Variants in DPY19L4 observed in about 807,000 individuals in gnomAD.
DPY19L4 encodes probable C-mannosyltransferase DPY19L4.
DPY19L4 carries 97 observed loss-of-function variants against 102.8 expected under a neutral mutation model. That is an observed-to-expected ratio of 0.94 (90% confidence interval 0.80 to 1.12). DPY19L4 has a LOEUF of 1.12. Ranked by LOEUF, DPY19L4 falls within the 50% of genes most tolerant of loss-of-function variation. The pLI is 0.00. For missense variants in DPY19L4, 815 were observed against 850.4 expected (o/e 0.96, Z 0.52); for synonymous variants, 252 against 283.1 (o/e 0.89, Z 1.10).
chr8:94,759,500 CTTTTT>C (rs1161705507), intron 7 of DPY19L4, among the ~76,000 whole-genome samples: 2 of 67,534 alleles, frequency 3.0e-5, no homozygotes, highest in Admixed American at 4.1e-4. Flanking sequence ...TCTACATGTT[CTTTTT>C]TTTTTTTTTT....
At chr8:94,775,023 C>T (rs1813111916) in intron 13 of DPY19L4, among the ~76,000 whole-genome samples, 1 of 152,088 alleles carries the variant, frequency 6.6e-6, no homozygotes, top group Non-Finnish European at 1.5e-5. Flanking sequence ...GGATTTTCTT[C>T]TTTTTCAAGG....
chr8:94,733,449 C>T (rs940972861), intron 2 of DPY19L4, among the ~76,000 whole-genome samples: 4 of 152,120 alleles, frequency 2.6e-5, no homozygotes, highest in East Asian at 3.9e-4. Flanking sequence ...TTAAGTGTAG[C>T]GTTCTATTGT....
At chr8:94,770,324 CA>C (rs1812869830) in intron 12 of DPY19L4, 127 bp from the exon 13 acceptor site, 1 of 1,001,836 alleles carries the variant, frequency 1.0e-6, no homozygotes, top group South Asian at 1.9e-5. Context: ...TTTAAAAGAT[CA>C]CCTATATTTT....
intron 18 of DPY19L4, among the ~76,000 whole-genome samples, chr8:94,789,289 A>G (rs926907070): frequency 6.6e-6 from 1 of 152,226 alleles, no homozygotes; most frequent in African/African-American, 2.4e-5. Flanking sequence ...CTTCAAGCTA[A>G]CTAAGCTATC....
chr8:94,750,483 A>C (rs1811870208), intron 6 of DPY19L4, among the ~76,000 whole-genome samples: 1 of 152,188 alleles, frequency 6.6e-6, no homozygotes, highest in Admixed American at 6.5e-5. Context: ...ACTAGGTTCT[A>C]GGCACTGCTA....
chr8:94,750,973 G>T (rs34152155), intron 6 of DPY19L4, among the ~76,000 whole-genome samples: 15,715 of 151,588 alleles, frequency 0.1, 913 homozygotes, highest in Non-Finnish European at 0.13. Context: ...TAGAGACTGG[G>T]TTTCACCATG....
chr8:94,774,927 G>A (rs1314795262), intron 13 of DPY19L4, among the ~76,000 whole-genome samples: 1 of 151,954 alleles, frequency 6.6e-6, no homozygotes, highest in African/African-American at 2.4e-5. Context: ...TCATGTAAGT[G>A]GAATCCTGTA....
chr8:94,739,007 G>A (rs1213828892), intron 4 of DPY19L4, among the ~76,000 whole-genome samples: 3 of 152,086 alleles, frequency 2.0e-5, no homozygotes. Flanking sequence ...ACTTCCTTGT[G>A]TTATGAATAT....
intron 12 of DPY19L4, among the ~76,000 whole-genome samples, chr8:94,769,594 G>A (rs1586396553): frequency 6.6e-6 from 1 of 151,886 alleles, no homozygotes; most frequent in African/African-American, 2.4e-5. Flanking sequence ...GCTTATGCCT[G>A]TAATTCCAAC....
At chr8:94,784,562 G>A (rs1251393514) in intron 17 of DPY19L4, among the ~76,000 whole-genome samples, 3 of 152,136 alleles carry the variant, frequency 2.0e-5, no homozygotes, top group Admixed American at 1.3e-4. Flanking sequence ...CCGAGTAGCT[G>A]GGATTACAGG....
intron 7 of DPY19L4, among the ~76,000 whole-genome samples, chr8:94,759,578 C>T (rs1812317360): frequency 7.1e-6 from 1 of 140,718 alleles, no homozygotes; most frequent in African/African-American, 2.7e-5. Flanking sequence ...ATGATCTCAG[C>T]TCACTGCAAC....
At chr8:94,767,443 G>A (rs1380911319) in intron 11 of DPY19L4, among the ~76,000 whole-genome samples, 2 of 151,836 alleles carry the variant, frequency 1.3e-5, no homozygotes, top group South Asian at 2.1e-4. Context: ...ACAGGCACCC[G>A]CTACCATGCC....
Position 94,719,958 on chromosome 8 carries a change from C to A in DPY19L4, c.-41C>A. On this transcript the variant is annotated 5_prime_UTR_variant, in exon 1 of 19. Coordinates refer to ENST00000414645, the MANE Select transcript of DPY19L4 (RefSeq NM_181787.3). ...GACGCGGAGGGAGGGAGAGTCTGGG[C>A]CGCGCGGGAGCCGCAGGGCGCCCTA... 1 of 1,504,224 alleles carries A rather than the reference C, an allele frequency of 6.6e-7. No homozygotes were observed. The allele number at this position is 1,504,224 out of a possible 1,614,324, so 93.2% of individuals were successfully genotyped here. A position where few individuals can be genotyped will look rare whatever the true frequency, so the allele number is the denominator to read the frequency against.
chr8:94,787,916 G>C lies in DPY19L4; in HGVS notation c.1871G>C (p.Arg624Pro), dbSNP rs746667790. Residue 624 changes from arginine to proline, a missense_variant, in exon 18 of 19, where the codon CGA becomes CCA. Physicochemically the swap from Arg to Pro is moderately radical, Grantham distance 103 (BLOSUM62 -2). Coordinates refer to ENST00000414645, the MANE Select transcript of DPY19L4 (RefSeq NM_181787.3). ...CAGATCTACCAAATCTATTCAAAGCGATCTGCTGAGGATATTTATAAAATA... is the reference window on the plus strand; with the variant it reads ...CAGATCTACCAAATCTATTCAAAGCCATCTGCTGAGGATATTTATAAAATA... Reference protein sequence around the residue: ...NENIYQIYSKRSAEDIYKILT... With the variant: ...NENIYQIYSKPSAEDIYKILT... 10 of 1,416,000 alleles carry C rather than the reference G, an allele frequency of 7.1e-6. No homozygotes were observed. The highest frequency in any genetic ancestry group is 9.3e-6 in the Non-Finnish European group (10 of 1,081,040). The allele number at this position is 1,416,000 out of a possible 1,614,324, so 87.7% of individuals were successfully genotyped here. A position where few individuals can be genotyped will look rare whatever the true frequency, so the allele number is the denominator to read the frequency against.
At chr8:94,785,556 G>A (rs1369769365) in intron 17 of DPY19L4, among the ~76,000 whole-genome samples, 1 of 152,210 alleles carries the variant, frequency 6.6e-6, no homozygotes, top group African/African-American at 2.4e-5. Flanking sequence ...GACCTGGAAT[G>A]TCATGCTGAA....
chr8:94,756,186 T>G, intron 7 of DPY19L4, 27 bp downstream of exon 7: 2 of 1,604,164 alleles, frequency 1.2e-6, no homozygotes, highest in Non-Finnish European at 1.7e-6. Flanking sequence ...TTTTATCTGT[T>G]GCAGCTAATT....
chr8:94,739,662 G>A lies in DPY19L4; in HGVS notation c.483G>A (p.Val161=). 1.9e-6 allele frequency: 3 copies of A among 1,614,032 alleles called. No homozygotes were observed. Among genetic ancestry groups the A allele is most frequent in the Non-Finnish European group, 2.5e-6 (3 of 1,179,978 alleles). Residue 161 remains valine (V), a synonymous_variant, in exon 6 of 19, where the codon GTG becomes GTA. Transcript: ENST00000414645. The stretch of plus-strand genomic sequence containing the variant: ...CCACATAGGAGATTATTGAGCCAGT[G>A]TATTTCTATATTGGCATTGTTTTTG... The part of the protein sequence containing the change: ...ATGSNEIIEP[V]YFYIGIVFGL...
chr8:94,737,543 G>A (rs1382492114), intron 3 of DPY19L4, among the ~76,000 whole-genome samples: 2 of 152,016 alleles, frequency 1.3e-5, no homozygotes, highest in Non-Finnish European at 2.9e-5. Flanking sequence ...CAACACTTTA[G>A]GAGGCCGAGG....
chr8:94,781,292 A>C, intron 16 of DPY19L4, 126 bp downstream of exon 16: 1 of 759,620 alleles, frequency 1.3e-6, no homozygotes, highest in South Asian at 3.3e-5. Flanking sequence ...CAGGCGTTTT[A>C]GGGATATTTA....
Sources: allele counts gnomAD v4.1 joint callset (sites outside exome capture counted in the v4.1 genomes callset), GRCh38; gene constraint gnomAD v4.1.1; transcripts MANE v1.5; gene names NCBI Gene and HGNC (gene_info 2026-07-23, HGNC 2026-07-21).